Variants in ROBO2 observed in about 807,000 individuals in gnomAD.
ROBO2 encodes the protein roundabout guidance receptor 2, also known as roundabout homolog 2.
In ROBO2, 53 loss-of-function variants were observed where a neutral mutation model predicts 160.8. That is an observed-to-expected ratio of 0.33 (90% confidence interval 0.26 to 0.41). ROBO2 has a LOEUF of 0.41. Ranked by LOEUF, ROBO2 falls within the 10% of genes least tolerant of loss-of-function variation. The pLI is 1.00. For missense variants in ROBO2, 1,577 were observed against 1,722.4 expected, an observed-to-expected ratio of 0.92 and a Z score of 1.49; for synonymous variants, 664 against 611.7, an observed-to-expected ratio of 1.09 and a Z score of -1.26.
intron 2 of ROBO2, among the ~76,000 whole-genome samples, chr3:77,141,331 C>T (rs114808984): frequency 0.011 from 1,650 of 150,544 alleles, 29 homozygotes; most frequent in African/African-American, 0.039. Flanking sequence ...CTTTTATAAA[C>T]AGCCATTATC....
rs1469265484 is a variant in ROBO2 at position 77,247,584 on chromosome 3, G to C, written c.388+149244G>C. Among the ~76,000 whole-genome samples, 3 of 152,136 alleles carry C rather than the reference G, an allele frequency of 2.0e-5. No individual in the cohort carries two copies. The East Asian group carries it at 5.8e-4, about 29-fold the overall frequency. On this transcript the variant is annotated intron_variant, in intron 2 of 25. Transcript: ENST00000461745. ...CAGTGGCTCCTCCTCTCTTCAGTAA[G>C]AGTAATTGTATCAGTTAGAGAATAT...
intron 2 of ROBO2, among the ~76,000 whole-genome samples, chr3:77,103,655 C>T (rs1255794432): frequency 3.3e-5 from 5 of 152,048 alleles, no homozygotes; most frequent in Admixed American, 6.6e-5. Context: ...TATGAAGACT[C>T]ATGCTGTATG....
chr3:77,556,475 A>G (rs556937727), intron 8 of ROBO2, among the ~76,000 whole-genome samples: 6 of 152,012 alleles, frequency 3.9e-5, no homozygotes, highest in South Asian at 4.1e-4. Context: ...GGTAACCTGT[A>G]TCATAAATTC....
intron 2 of ROBO2, among the ~76,000 whole-genome samples, chr3:76,571,425 T>C (rs1438454678): frequency 1.3e-5 from 2 of 152,088 alleles, no homozygotes; most frequent in Non-Finnish European, 2.9e-5. Flanking sequence ...ATCTTTTCAA[T>C]AAAATTACCA....
At chr3:76,217,862 A>G (rs1427479661) in intron 2 of ROBO2, among the ~76,000 whole-genome samples, 2 of 152,206 alleles carry the variant, frequency 1.3e-5, no homozygotes, top group African/African-American at 4.8e-5. Context: ...ACAACAAAAA[A>G]AGAGAATTTT....
intron 2 of ROBO2, among the ~76,000 whole-genome samples, chr3:77,165,131 C>T (rs60725245): frequency 0.46 from 68,751 of 149,532 alleles, 16,234 homozygotes; most frequent in Middle Eastern, 0.6. Flanking sequence ...GGGGGAAAGG[C>T]GGGGAAAAGA....
chr3:76,534,877 G>A (rs937515506), intron 2 of ROBO2, among the ~76,000 whole-genome samples: 2 of 152,126 alleles, frequency 1.3e-5, no homozygotes, highest in Non-Finnish European at 2.9e-5. Flanking sequence ...TTTAAGGATG[G>A]ATTTCCATGA....
In ROBO2 at chr3:76,576,701, C is replaced by CTTT. The variant is rs56404865; in HGVS notation, c.110-521294_110-521292dup. 7.9e-3 allele frequency among the ~76,000 whole-genome samples: 490 copies of CTTT among 62,406 alleles called. 43 individuals are homozygous for CTTT. Among genetic ancestry groups the CTTT allele is most frequent in the East Asian group, 0.021 (44 of 2,120 alleles). The allele number at this position is 62,406 out of a possible 152,430, so 40.9% of individuals were successfully genotyped here. A position where few individuals can be genotyped will look rare whatever the true frequency, so the allele number is the denominator to read the frequency against. On this transcript the variant is annotated intron_variant, in intron 2 of 26. Transcript: ENST00000487694. ...TTTTACAGTTTAAATCATTTTCTTT[C>CTTT]TTTTTTTTTTTTTTTTTTTTTGACA...
chr3:76,231,513 C>T (rs1381861392), intron 2 of ROBO2, among the ~76,000 whole-genome samples: 1 of 152,166 alleles, frequency 6.6e-6, no homozygotes, highest in African/African-American at 2.4e-5. Context: ...CTTGACTCCT[C>T]TTCTGAAATT....
intron 1 of ROBO2, among the ~76,000 whole-genome samples, chr3:77,053,760 G>A (rs918127010): frequency 6.6e-6 from 1 of 152,090 alleles, no homozygotes; most frequent in Non-Finnish European, 1.5e-5. Flanking sequence ...GCTTTATTTG[G>A]TATATAAATG....
chr3:77,333,170 A>G (rs1236657532), intron 2 of ROBO2, among the ~76,000 whole-genome samples: 3 of 152,190 alleles, frequency 2.0e-5, no homozygotes, highest in Admixed American at 2.0e-4. Flanking sequence ...GATTTAGTTG[A>G]AGCTTGGTTA....
intron 2 of ROBO2, among the ~76,000 whole-genome samples, chr3:76,989,891 C>G (rs2060575568): frequency 6.6e-6 from 1 of 152,050 alleles, no homozygotes; most frequent in Non-Finnish European, 1.5e-5. Flanking sequence ...TGAACAGGGG[C>G]ATAGTTGTGT....
intron 2 of ROBO2, among the ~76,000 whole-genome samples, chr3:76,422,270 T>A (rs2076028645): frequency 6.6e-6 from 1 of 152,232 alleles, no homozygotes; most frequent in Non-Finnish European, 1.5e-5. Context: ...CTCTCCCAAA[T>A]GTATAATTTT....
chr3:76,907,824 GT>G (rs1215834359), intron 2 of ROBO2, among the ~76,000 whole-genome samples: 24 of 13,608 alleles, frequency 1.8e-3, no homozygotes, highest in Admixed American at 8.2e-3. Flanking sequence ...TTTGTTTGGG[GT>G]GTGTGTGTGT....
rs148001909 is a variant in ROBO2, at chr3:76,931,550, G to GACACAC, written c.110-166459_110-166458insCACACA. Among the ~76,000 whole-genome samples, 848 of 150,688 alleles carry GACACAC rather than the reference G, an allele frequency of 5.6e-3. 3 individuals carry two copies. The highest frequency in any genetic ancestry group is 0.012 in the African/African-American group (490 of 40,904). ...CACTATGACTTTGTGTGCTTTATAA[G>GACACAC]ACACATACACACACACACACACACA... is the stretch of plus-strand genomic sequence containing the variant. On this transcript the variant is annotated intron_variant, in intron 2 of 26. Coordinates refer to the ROBO2 transcript ENST00000487694.
chr3:76,953,320 A>G (rs2079064814), intron 2 of ROBO2, among the ~76,000 whole-genome samples: 1 of 152,232 alleles, frequency 6.6e-6, no homozygotes, highest in Non-Finnish European at 1.5e-5. Flanking sequence ...CGATTACAAT[A>G]GGTGGCACAT....
chr3:77,212,216 G>A (rs1330339503), intron 2 of ROBO2, among the ~76,000 whole-genome samples: 2 of 152,170 alleles, frequency 1.3e-5, no homozygotes, highest in African/African-American at 4.8e-5. Flanking sequence ...AGCATGGAAT[G>A]TTCTTCCATT....
chr3:77,390,144 C>G (rs2074568789), intron 2 of ROBO2, among the ~76,000 whole-genome samples: 1 of 152,084 alleles, frequency 6.6e-6, no homozygotes, highest in East Asian at 1.9e-4. Flanking sequence ...TAAGGCCAGT[C>G]CTTCCGCCCC....
At chr3:77,349,538 T>C (rs1421973345) in intron 2 of ROBO2, among the ~76,000 whole-genome samples, 1 of 152,178 alleles carries the variant, frequency 6.6e-6, no homozygotes, top group Non-Finnish European at 1.5e-5. Flanking sequence ...GAAATGCTTT[T>C]AAGCCAAAGG....
Sources: gnomAD v4.1 joint callset for allele counts (sites outside exome capture counted in the v4.1 genomes callset) on GRCh38, gnomAD v4.1.1 for gene constraint, MANE v1.5 for transcripts, NCBI Gene and HGNC (gene_info 2026-07-23, HGNC 2026-07-21) for gene names.